Variants in PDE1C observed in about 807,000 individuals in gnomAD.
PDE1C encodes dual specificity calcium/calmodulin-dependent 3',5'-cyclic nucleotide phosphodiesterase 1C.
Under a neutral mutation model 93.1 loss-of-function variants are expected in PDE1C, and 62 were observed. The ratio of observed to expected loss-of-function variants is 0.67; its 90% CI spans 0.54 to 0.82. PDE1C has a LOEUF of 0.82. PDE1C is among the 40% of genes least tolerant of loss of function. PDE1C has a pLI of 0.00. For missense variants in PDE1C, 742 were observed against 884.6 expected, an observed-to-expected ratio of 0.84 and a Z score of 2.04; for synonymous variants, 325 against 310.1, an observed-to-expected ratio of 1.05 and a Z score of -0.50.
intron 1 of PDE1C, among the ~76,000 whole-genome samples, chr7:32,375,597 A>G (rs1784419938): frequency 6.6e-6 from 1 of 152,220 alleles, no homozygotes; most frequent in South Asian, 2.1e-4. Flanking sequence ...CAGCTTCCAC[A>G]TCAAAGAATT....
the PDE1C span, among the ~76,000 whole-genome samples, chr7:31,701,697 C>T: frequency 6.6e-6 from 1 of 152,240 alleles, no homozygotes; most frequent in African/African-American, 2.4e-5. Flanking sequence ...GAGATTGCCA[C>T]AGCCACCTAA....
chr7:32,335,320 T>A (rs989704388), intron 1 of PDE1C, among the ~76,000 whole-genome samples: 1 of 152,178 alleles, frequency 6.6e-6, no homozygotes, highest in African/African-American at 2.4e-5. Flanking sequence ...CTAAGGGAAC[T>A]GTCTCTCCCA....
chr7:32,215,738 C>T (rs888554211), intron 1 of PDE1C, among the ~76,000 whole-genome samples: 2 of 152,232 alleles, frequency 1.3e-5, no homozygotes, highest in African/African-American at 4.8e-5. Flanking sequence ...TAGAAAGGTG[C>T]ACACTGCTTT....
the PDE1C span, chr7:31,658,840 A>T: frequency 6.6e-6 from 1 of 152,428 alleles, no homozygotes; most frequent in East Asian, 1.9e-4. Flanking sequence ...CAAATTGAAG[A>T]TTTTTCCTTT....
At chr7:32,329,975 A>G (rs1783480002) in intron 1 of PDE1C, among the ~76,000 whole-genome samples, 1 of 152,274 alleles carries the variant, frequency 6.6e-6, no homozygotes, top group Non-Finnish European at 1.5e-5. Context: ...GATGCCAAGG[A>G]GCCTGGCAAT....
At chr7:31,710,130 C>T in the PDE1C span, among the ~76,000 whole-genome samples, 1 of 152,140 alleles carries the variant, frequency 6.6e-6, no homozygotes, top group East Asian at 1.9e-4. Context: ...GCCTGGGCTA[C>T]AGAGTGAGTC....
At chr7:31,709,840 GAAT>G in the PDE1C span, among the ~76,000 whole-genome samples, 1 of 152,202 alleles carries the variant, frequency 6.6e-6, no homozygotes, top group East Asian at 1.9e-4. Context: ...CCCTCCAAAT[GAAT>G]AATAGTTATA....
chr7:32,281,526 A>C (rs1811627888), intron 1 of PDE1C, among the ~76,000 whole-genome samples: 1 of 152,152 alleles, frequency 6.6e-6, no homozygotes, highest in Non-Finnish European at 1.5e-5. Flanking sequence ...TCAAGGCTGC[A>C]GTGAGCCAAG....
chr7:31,956,631 C>T (rs569832830), intron 2 of PDE1C, among the ~76,000 whole-genome samples: 5 of 151,418 alleles, frequency 3.3e-5, no homozygotes, highest in African/African-American at 9.7e-5. Context: ...TGAAATTATC[C>T]ATGTCTCCTG....
Position 32,262,308 on chromosome 7 carries a change from T to C in PDE1C, c.85+36343A>G, listed in dbSNP as rs114681143. 5.9e-3 allele frequency among the ~76,000 whole-genome samples: 892 copies of C among 152,214 alleles called. 8 individuals carry two copies. The highest frequency in any genetic ancestry group is 0.021 in the African/African-American group (853 of 41,514). On this transcript the variant is annotated intron_variant, in intron 1 of 18. Transcript: ENST00000396193. ...CCCCCTCCTATCTTCTGTAAAATCT[T>C]AAACTCAATGAAAAAATTATGCTGG...
intron 1 of PDE1C, among the ~76,000 whole-genome samples, chr7:32,402,105 T>C (rs1353255805): frequency 1.3e-5 from 2 of 152,120 alleles, no homozygotes; most frequent in Admixed American, 6.5e-5. Flanking sequence ...ACTAAAAAAA[T>C]ATGTAATTTG....
At chr7:32,400,455 G>T (rs1208117549) in intron 1 of PDE1C, among the ~76,000 whole-genome samples, 1 of 152,166 alleles carries the variant, frequency 6.6e-6, no homozygotes, top group East Asian at 1.9e-4. Context: ...TGGTCAGACG[G>T]AAAATACTGC....
chr7:32,115,799 C>G (rs1338538266), intron 3 of PDE1C, among the ~76,000 whole-genome samples: 3 of 152,156 alleles, frequency 2.0e-5, no homozygotes, highest in Non-Finnish European at 2.9e-5. Context: ...TTGTCCCCAG[C>G]TCTCTGAGGA....
At chr7:31,643,083 C>A in the PDE1C span, 1 of 1,613,954 alleles carries the variant, frequency 6.2e-7, no homozygotes. Context: ...TTATGGTAAC[C>A]CACGTCACAG....
At chr7:31,792,104 T>C (rs546830994) in intron 16 of PDE1C, among the ~76,000 whole-genome samples, 1 of 152,218 alleles carries the variant, frequency 6.6e-6, no homozygotes, top group East Asian at 1.9e-4. Flanking sequence ...GCTGGGTCTG[T>C]GACGTGATGA....
rs753983613 is a variant in PDE1C at position 32,244,692 on chromosome 7, T to C, written c.86-35153A>G. On this transcript the variant is annotated intron_variant, in intron 1 of 18. Transcript: ENST00000396193. ...ATCTTCCCATCACAGAGCTATACCA[T>C]GCACATTGACAATAAAAGCTCGTGA... Among the ~76,000 whole-genome samples the C allele has an allele frequency of 3.3e-5, 5 of 152,162 alleles. No individual in the cohort carries two copies. The East Asian group carries it at 5.8e-4, about 18-fold the overall frequency.
chr7:31,639,387 T>C, the PDE1C span, among the ~76,000 whole-genome samples: 39 of 113,428 alleles, frequency 3.4e-4, no homozygotes, highest in Admixed American at 9.9e-4. Flanking sequence ...ATATATCCAG[T>C]ATAAATTTTA....
intron 3 of PDE1C, among the ~76,000 whole-genome samples, chr7:32,080,604 C>A (rs1796608280): frequency 6.6e-6 from 1 of 152,152 alleles, no homozygotes; most frequent in South Asian, 2.1e-4. Flanking sequence ...ATTACTGTTC[C>A]TTGCACCCTC....
At chr7:31,733,811 C>T in the PDE1C span, among the ~76,000 whole-genome samples, 1 of 152,072 alleles carries the variant, frequency 6.6e-6, no homozygotes, top group Non-Finnish European at 1.5e-5. Context: ...GCCTGGCCAA[C>T]AGGGCGAAAC....
Sources: allele counts gnomAD v4.1 joint callset (sites outside exome capture counted in the v4.1 genomes callset), GRCh38; gene constraint gnomAD v4.1.1; transcripts MANE v1.5; gene names NCBI Gene and HGNC (gene_info 2026-07-23, HGNC 2026-07-21).